Variants in CSMD1 observed in about 807,000 individuals in gnomAD.
The protein encoded by CSMD1 is CUB and sushi domain-containing protein 1.
A neutral mutation model predicts 417.5 loss-of-function variants in CSMD1; 213 were observed. The observed-to-expected ratio is 0.51, with a 90% CI of 0.46 to 0.57. The LOEUF (loss-of-function observed/expected upper bound fraction) is 0.57. Among genes scored for constraint, CSMD1 ranks in the 20% least tolerant of loss-of-function variants. The pLI is 0.00. For missense variants in CSMD1, 6,923 were observed against 4,529.7 expected (o/e 1.53, Z -15.17); for synonymous variants, 2,862 against 1,736.8 (o/e 1.65, Z -16.11).
At chr8:3,785,724 C>A (rs1336657128) in intron 5 of CSMD1, among the ~76,000 whole-genome samples, 1 of 152,044 alleles carries the variant, frequency 6.6e-6, no homozygotes, top group Admixed American at 6.6e-5. Flanking sequence ...AAGTGAGAGG[C>A]CCAGGGTGCG....
chr8:4,880,856 G>C (rs991455560), intron 1 of CSMD1, among the ~76,000 whole-genome samples: 13 of 152,210 alleles, frequency 8.5e-5, no homozygotes, highest in South Asian at 8.3e-4. Flanking sequence ...CCTGATCTAA[G>C]CTATTTAGTA....
chr8:4,546,999 C>G (rs921971872), intron 2 of CSMD1, among the ~76,000 whole-genome samples: 1 of 152,122 alleles, frequency 6.6e-6, no homozygotes, highest in East Asian at 1.9e-4. Context: ...GCCCTACATC[C>G]TTATCTATAA....
chr8:4,934,101 G>A (rs183000511), intron 1 of CSMD1, among the ~76,000 whole-genome samples: 7 of 152,088 alleles, frequency 4.6e-5, no homozygotes, highest in South Asian at 4.1e-4. Context: ...GGCGGCAGCC[G>A]TGAGCACCAG....
chr8:4,625,523 C>T (rs1461160131), intron 2 of CSMD1, among the ~76,000 whole-genome samples: 1 of 151,912 alleles, frequency 6.6e-6, no homozygotes, highest in African/African-American at 2.4e-5. Context: ...CACTTCCTCC[C>T]TACCTGAACC....
intron 1 of CSMD1, among the ~76,000 whole-genome samples, chr8:4,815,507 C>G (rs1799151827): frequency 6.6e-6 from 1 of 151,512 alleles, no homozygotes; most frequent in Non-Finnish European, 1.5e-5. Context: ...ACCAGCCTGA[C>G]CAACACAGTG....
chr8:4,788,070 G>C, intron 1 of CSMD1: 4 of 1,599,138 alleles, frequency 2.5e-6, no homozygotes, highest in Non-Finnish European at 3.4e-6. Flanking sequence ...GTGGGTTGCA[G>C]AGAAAGTAGA....
rs560509019 is a variant in CSMD1 at position 4,631,177 on chromosome 8, A to G, written c.302+6165T>C. ...GGAGTTCTAGACCAGCCTGGCCAAT[A>G]TGGTGAAACCCTGTCTCTATTAAAA... On this transcript the variant is annotated intron_variant, in intron 2 of 69. Coordinates refer to ENST00000635120, the MANE Select transcript of CSMD1 (RefSeq NM_033225.6). Among the ~76,000 whole-genome samples, 7 of 152,174 alleles carry G rather than the reference A, an allele frequency of 4.6e-5. No individual in the cohort carries two copies. The South Asian group carries it at 1.0e-3, about 23-fold the overall frequency.
At position 3,624,457 on chromosome 8, in the gene CSMD1, T is replaced by C. The variant is rs537490271; in HGVS notation, c.1010-7660A>G. ...GCCATTTAGATAAACTCACACTTTT[T>C]AGCACGAAGGCACTTACGATTGATT... On this transcript the variant is annotated intron_variant, in intron 7 of 69. Coordinates refer to ENST00000635120, the MANE Select transcript of CSMD1 (RefSeq NM_033225.6). Among the ~76,000 whole-genome samples, 10 of 152,366 alleles carry C rather than the reference T, an allele frequency of 6.6e-5. No individual in the cohort carries two copies. The East Asian group carries it at 1.9e-3, about 29-fold the overall frequency.
rs766408180 is a variant in CSMD1 at position 3,540,931 on chromosome 8, G to A, written c.1344+34014C>T. Reference sequence around the variant, plus strand: ...CAGAAACTCTTTTACACTGTTGGTGGGAATGTAACTTAGTTCAACCATTGT... The same window carrying A: ...CAGAAACTCTTTTACACTGTTGGTGAGAATGTAACTTAGTTCAACCATTGT... On this transcript the variant is annotated intron_variant, in intron 10 of 69. Transcript: ENST00000635120. 4.5e-4 allele frequency among the ~76,000 whole-genome samples: 69 copies of A among 152,210 alleles called. 1 individual carries two copies. The highest frequency in any genetic ancestry group is 1.8e-3 in the Admixed American group (28 of 15,286).
intron 37 of CSMD1, among the ~76,000 whole-genome samples, chr8:3,164,832 A>C (rs558493104): frequency 2.6e-5 from 4 of 152,320 alleles, no homozygotes; most frequent in Admixed American, 1.3e-4. Context: ...AAGGCCAGTT[A>C]CTAAACTTGC....
At chr8:4,291,179 A>C (rs962229784) in intron 3 of CSMD1, among the ~76,000 whole-genome samples, 2 of 152,158 alleles carry the variant, frequency 1.3e-5, no homozygotes, top group African/African-American at 4.8e-5. Context: ...TTAGTGTTGC[A>C]TAATTATACA....
At chr8:4,236,906 C>T (rs1375525244) in intron 3 of CSMD1, among the ~76,000 whole-genome samples, 1 of 152,174 alleles carries the variant, frequency 6.6e-6, no homozygotes, top group African/African-American at 2.4e-5. Flanking sequence ...ATTTCCAGGC[C>T]TCTCAGCTAA....
chr8:4,072,103 G>C (rs1265792662), intron 3 of CSMD1, among the ~76,000 whole-genome samples: 2 of 152,196 alleles, frequency 1.3e-5, no homozygotes, highest in African/African-American at 4.8e-5. Flanking sequence ...TCAAAAAATG[G>C]ATGATTCGCT....
At chr8:4,344,513 G>C (rs941112268) in intron 3 of CSMD1, among the ~76,000 whole-genome samples, 3 of 151,160 alleles carry the variant, frequency 2.0e-5, no homozygotes, top group South Asian at 2.1e-4. Context: ...TCATAAAAAT[G>C]ATTGTCAGAA....
intron 2 of CSMD1, among the ~76,000 whole-genome samples, chr8:4,481,291 C>T (rs1430432896): frequency 6.6e-6 from 1 of 152,254 alleles, no homozygotes; most frequent in East Asian, 1.9e-4. Context: ...CCCTATCACA[C>T]TGACCCTTAT....
intron 3 of CSMD1, among the ~76,000 whole-genome samples, chr8:4,034,106 T>C (rs892791600): frequency 2.0e-5 from 3 of 152,238 alleles, no homozygotes; most frequent in African/African-American, 4.8e-5. Context: ...TGTATTGATA[T>C]AATGTAGAAT....
intron 5 of CSMD1, among the ~76,000 whole-genome samples, chr8:3,971,037 C>T (rs984169972): frequency 6.6e-6 from 1 of 152,172 alleles, no homozygotes; most frequent in Non-Finnish European, 1.5e-5. Context: ...AGGCATGAGT[C>T]ACCGCGCCCG....
chr8:4,914,197 T>A (rs1563751336), intron 1 of CSMD1, among the ~76,000 whole-genome samples: 1 of 152,326 alleles, frequency 6.6e-6, no homozygotes, highest in East Asian at 1.9e-4. Flanking sequence ...GACTCTATAG[T>A]ATTACAGGTG....
At chr8:4,739,312 G>A (rs557804536) in intron 1 of CSMD1, among the ~76,000 whole-genome samples, 58 of 152,300 alleles carry the variant, frequency 3.8e-4, no homozygotes, top group African/African-American at 1.4e-3. Context: ...CATAGCCATA[G>A]TTGACAGAAC....
Sources: allele counts gnomAD v4.1 joint callset (sites outside exome capture counted in the v4.1 genomes callset), GRCh38; gene constraint gnomAD v4.1.1; transcripts MANE v1.5; gene names NCBI Gene and HGNC (gene_info 2026-07-23, HGNC 2026-07-21).